ARHGDIG: variants seen among roughly 807,000 people sequenced by gnomAD.
The protein encoded by ARHGDIG is Rho GDP dissociation inhibitor gamma, also known as rho GDP-dissociation inhibitor 3.
A neutral mutation model predicts 20.2 loss-of-function variants in ARHGDIG; 14 were observed. The observed-to-expected ratio is 0.69, with a 90% CI of 0.46 to 1.08. The LOEUF is 1.08. ARHGDIG is among the 50% of genes least tolerant of loss of function. ARHGDIG has a pLI of 0.00. For missense variants in ARHGDIG, 311 were observed against 301.8 expected (o/e 1.03, Z -0.23); for synonymous variants, 193 against 138.6 (o/e 1.39, Z -2.76).
At chr16:282,567 G>GGGCCGGGGGGGGGGGGGGGC in intron 5 of ARHGDIG, 37 bp downstream of exon 5, 5 of 957,260 alleles carry the variant, frequency 5.2e-6, no homozygotes, top group South Asian at 1.4e-5. Flanking sequence ...GCGGGGGGGG[G>GGGCCGGGGGGGGGGGGGGGC]AAGCGGGGGC....
At chr16:282,442 G>A (rs766109887) in intron 4 of ARHGDIG, 25 bp from the exon 5 acceptor site, 1 of 1,611,992 alleles carries the variant, frequency 6.2e-7, no homozygotes, top group African/African-American at 1.3e-5. Flanking sequence ...GCCCCCAGAG[G>A]AACCCCTAAT....
chr16:282,160 G>A lies in ARHGDIG; in HGVS notation c.337+52G>A, dbSNP rs1555470239. 14 of 1,609,650 alleles carry A rather than the reference G, an allele frequency of 8.7e-6. No homozygotes were observed. The South Asian group carries it at 1.4e-4, about 16-fold the overall frequency. Reference sequence around the variant, plus strand: ...ACACAGGTAGGGCCCTCCCAGGCACGCTTCTGCACCCCTGAGTTCCGAGCC... The same window carrying A: ...ACACAGGTAGGGCCCTCCCAGGCACACTTCTGCACCCCTGAGTTCCGAGCC... On this transcript the variant is annotated intron_variant, in intron 3 of 5. Transcript: ENST00000219409.
intron 5 of ARHGDIG, 28 bp downstream of exon 5, chr16:282,558 C>CGGGGGGGGGGGAGAGGGGGG: frequency 7.6e-7 from 1 of 1,310,078 alleles, no homozygotes; most frequent in Admixed American, 2.5e-5. Flanking sequence ...GGGAACGGGG[C>CGGGGGGGGGGGAGAGGGGGG]GGGGGGGGGA....
In ARHGDIG at chr16:282,290, C is replaced by G. The variant is rs750187935; in HGVS notation, c.338-7C>G. On this transcript the variant is annotated splice_polypyrimidine_tract_variant and splice_region_variant and intron_variant, in intron 3 of 5. Coordinates refer to ENST00000219409, the MANE Select transcript of ARHGDIG (RefSeq NM_001176.4). The stretch of plus-strand genomic sequence containing the variant: ...AGTTCCGACCCTAGCTGAGGTTTCC[C>G]CAATAGGGGACCTGGCTGTTCTGAA... 52 of 1,613,130 alleles carry G rather than the reference C, an allele frequency of 3.2e-5. No individual in the cohort carries two copies. Among genetic ancestry groups the G allele is most frequent in the Non-Finnish European group, 4.2e-5 (49 of 1,179,956 alleles).
chr16:280,662 G>GC lies in ARHGDIG; in HGVS notation c.-16dup, dbSNP rs2052273875. 1.1e-6 allele frequency: 1 copy of GC among 878,300 alleles called. No homozygotes were observed. Among genetic ancestry groups the GC allele is most frequent in the Admixed American group, 4.6e-4 (1 of 2,160 alleles). 54.4% of individuals were successfully genotyped at this position (878,300 alleles called of 1,614,324 possible). A position where few individuals can be genotyped will look rare whatever the true frequency, so the allele number is the denominator to read the frequency against. ...GGCGGCTCCTCGGCGGCTCCGCGGC[G>GC]CCCGGGCCGCGCGCCGCCATGCTGG... On this transcript the variant is annotated 5_prime_UTR_variant, in exon 1 of 6. Transcript: ENST00000219409. This position sits in a 1 kb window ranked among gnomAD's most constrained non-coding sequence, Gnocchi z 6.6.
rs1438030442 is a variant in ARHGDIG, at chr16:280,731, C to G, written c.51C>G (p.Leu17=). The G allele has an allele frequency of 1.5e-6, 2 of 1,294,448 alleles. No homozygotes were observed. The highest frequency in any genetic ancestry group is 3.6e-5 in the Admixed American group (1 of 28,160). 80.2% of individuals were successfully genotyped at this position (1,294,448 alleles called of 1,614,324 possible). A position where few individuals can be genotyped will look rare whatever the true frequency, so the allele number is the denominator to read the frequency against. ...TGGGGGCGCAGCTGCTGGAGCTGCT[C>G]CGGCTGGCGCTGTGCGCCCGAGGTG... ...CELGAQLLEL[L]RLALCARVLL... is the part of the protein sequence containing the mutation. Residue 17 remains leucine (L), a synonymous_variant, in exon 1 of 6, where the codon CTC becomes CTG. Transcript: ENST00000219409. This position sits in a 1 kb window ranked among gnomAD's most constrained non-coding sequence, Gnocchi z 6.6.
chr16:282,014 T>A lies in ARHGDIG; in HGVS notation c.254-11T>A. ...TGGGGGGCATCCTGCAGACTTCCAGTTTCTCCTCAGACCCAAGCCTGCCCA... is the reference window on the plus strand; with the variant it reads ...TGGGGGGCATCCTGCAGACTTCCAGATTCTCCTCAGACCCAAGCCTGCCCA... On this transcript the variant is annotated splice_polypyrimidine_tract_variant and intron_variant, in intron 2 of 5. Transcript: ENST00000219409. 1 of 1,610,922 alleles carries A rather than the reference T, an allele frequency of 6.2e-7. No individual in the cohort carries two copies. The highest frequency in any genetic ancestry group is 8.5e-7 in the Non-Finnish European group (1 of 1,179,262).
At position 282,955 on chromosome 16, in the gene ARHGDIG, T is replaced by TG. The variant is rs34617604; in HGVS notation, c.*143dup. The TG allele has an allele frequency of 1, 1,013,007 of 1,013,068 alleles. 506,473 individuals carry two copies. The highest frequency in any genetic ancestry group is 1 in the Non-Finnish European group (711,950 of 711,982). 62.8% of individuals were successfully genotyped at this position (1,013,068 alleles called of 1,614,324 possible). A position where few individuals can be genotyped will look rare whatever the true frequency, so the allele number is the denominator to read the frequency against. ...GCCCCTGCTCTGTCCCGGGACCCCC[T>TG]GGCCTGGCGCTGTCCCCTGAGCTGT... On this transcript the variant is annotated 3_prime_UTR_variant, in exon 6 of 6. Coordinates refer to ENST00000219409, the MANE Select transcript of ARHGDIG (RefSeq NM_001176.4).
chr16:282,358 G>A lies in ARHGDIG; in HGVS notation c.399G>A (p.Val133=). 1.2e-6 allele frequency: 2 copies of A among 1,609,202 alleles called. No homozygotes were observed. Among genetic ancestry groups the A allele is most frequent in the Non-Finnish European group, 1.7e-6 (2 of 1,178,064 alleles). ...FVLKEGVDYR[V]KISFKVHREI... is the part of the protein sequence containing the mutation. ...TGAAGGAAGGTGTTGATTACAGAGT[G>A]AAGATCTCCTTCAAGGTGAGAGCCG... The change falls in exon 4 of 6, where the codon GTG becomes GTA. Residue 133 remains valine, a synonymous_variant. Coordinates refer to ENST00000219409, the MANE Select transcript of ARHGDIG (RefSeq NM_001176.4).
chr16:282,516 G>A lies in ARHGDIG; in HGVS notation c.464G>A (p.Arg155His), dbSNP rs963397973. ...SGLKCLHHTY[R>H]RGLRVDKTVY... ...CTCAAGTGTCTGCACCACACCTACC[G>A]CCGGGGCCTGCGCGGTGAGGGCAGC... The change falls in exon 5 of 6, where the codon CGC becomes CAC. Residue 155 changes from arginine (R) to histidine (H), a missense_variant. Coordinates refer to ENST00000219409, the MANE Select transcript of ARHGDIG (RefSeq NM_001176.4). 9.4e-6 allele frequency: 15 copies of A among 1,599,224 alleles called. No homozygotes were observed. Among genetic ancestry groups the A allele is most frequent in the East Asian group, 2.3e-5 (1 of 44,166 alleles).
chr16:281,065 G>C (rs968608150), intron 1 of ARHGDIG: 2 of 165,786 alleles, frequency 1.2e-5, no homozygotes, highest in African/African-American at 4.8e-5. Flanking sequence ...GGTGATCCCC[G>C]AGAAGACGGG....
In ARHGDIG at chr16:280,864, A is replaced by AC. The variant is rs112624365; in HGVS notation, c.73+117dup. 6.7e-6 allele frequency: 4 copies of AC among 599,002 alleles called. No individual in the cohort carries two copies. Among genetic ancestry groups the AC allele is most frequent in the Non-Finnish European group, 8.9e-6 (4 of 450,512 alleles). The allele number at this position is 599,002 out of a possible 1,614,324, so 37.1% of individuals were successfully genotyped here. ...CGCGCATGGGGACCTCGCGGCGCCG[A>AC]CCCCCCGGCTGGGGTCTGGCAGGGG... On this transcript the variant is annotated intron_variant, in intron 1 of 5. Transcript: ENST00000219409. The surrounding 1 kb of genome is among the most constrained non-coding windows in gnomAD (Gnocchi z 6.6).
At position 282,308 on chromosome 16, in the gene ARHGDIG, G is replaced by T; in HGVS notation, c.349G>T (p.Val117Phe). 1 of 1,613,138 alleles carries T rather than the reference G, an allele frequency of 6.2e-7. No homozygotes were observed. Among genetic ancestry groups the T allele is most frequent in the African/African-American group, 1.3e-5 (1 of 74,992 alleles). Residue 117 changes from valine (V) to phenylalanine (F), a missense_variant, in exon 4 of 6, where the codon GTT becomes TTT. Coordinates refer to ENST00000219409, the MANE Select transcript of ARHGDIG (RefSeq NM_001176.4). Reference protein sequence around the residue: ...VVMDLTGDLAVLKDQVFVLKE... With the variant: ...VVMDLTGDLAFLKDQVFVLKE... ...GGTTTCCCCAATAGGGGACCTGGCT[G>T]TTCTGAAGGACCAGGTGTTTGTCCT... is the stretch of plus-strand genomic sequence containing the variant.
At position 280,611 on chromosome 16, in the gene ARHGDIG, C is replaced by T; in HGVS notation, c.-70C>T. 2.6e-6 allele frequency: 2 copies of T among 770,596 alleles called. No homozygotes were observed. Among genetic ancestry groups the T allele is most frequent in the Non-Finnish European group, 3.1e-6 (2 of 637,084 alleles). The allele number at this position is 770,596 out of a possible 1,614,324, so 47.7% of individuals were successfully genotyped here. A position where few individuals can be genotyped will look rare whatever the true frequency, so the allele number is the denominator to read the frequency against. ...ACCGCAGTCGCGCCGGGGCTGAGCG[C>T]CGAGCGGGGCGGCGGCGGGGCGGGC... On this transcript the variant is annotated 5_prime_UTR_variant, in exon 1 of 6. Transcript: ENST00000219409. The surrounding 1 kb of genome is among the most constrained non-coding windows in gnomAD (Gnocchi z 6.6).
Position 280,788 on chromosome 16 carries a change from G to A in ARHGDIG, c.73+35G>A. On this transcript the variant is annotated intron_variant, in intron 1 of 5. Transcript: ENST00000219409. This position sits in a 1 kb window ranked among gnomAD's most constrained non-coding sequence, Gnocchi z 6.6. ...CCGGGCAGGGGCGGGGGGCTCGGCTGGTCTCAGCCCCGGGCGGGGAGTAGC... is the reference window on the plus strand; with the variant it reads ...CCGGGCAGGGGCGGGGGGCTCGGCTAGTCTCAGCCCCGGGCGGGGAGTAGC... 4 of 1,244,596 alleles carry A rather than the reference G, an allele frequency of 3.2e-6. No homozygotes were observed. Among genetic ancestry groups the A allele is most frequent in the South Asian group, 2.3e-5 (1 of 44,006 alleles). 77.1% of individuals were successfully genotyped at this position (1,244,596 alleles called of 1,614,324 possible).
In ARHGDIG at chr16:282,086, G is replaced by GC; in HGVS notation, c.318dup (p.Val107ArgfsTer24). 6.2e-7 allele frequency: 1 copy of GC among 1,612,900 alleles called. No individual in the cohort carries two copies. Among genetic ancestry groups the GC allele is most frequent in the Non-Finnish European group, 8.5e-7 (1 of 1,179,942 alleles). ...CACTCCTGTCGGAACAGGCTCCGGG[G>GC]CCCGTCGTCATGGATCTCACAGGTA... On this transcript the variant is annotated frameshift_variant, in exon 3 of 6. Coordinates refer to ENST00000219409, the MANE Select transcript of ARHGDIG (RefSeq NM_001176.4). LOFTEE classifies it high-confidence loss of function.
At position 282,862 on chromosome 16, in the gene ARHGDIG, C is replaced by A. The variant is rs1406141658; in HGVS notation, c.*48C>A. The A allele has an allele frequency of 6.6e-7, 1 of 1,509,318 alleles. No individual in the cohort carries two copies. Among genetic ancestry groups the A allele is most frequent in the African/African-American group, 1.4e-5 (1 of 72,744 alleles). 93.5% of individuals were successfully genotyped at this position (1,509,318 alleles called of 1,614,324 possible). The stretch of plus-strand genomic sequence containing the variant: ...ACCTCCCTCAGTTGTTGCACAGGGA[C>A]CCCCAAGCATCCCCAGCACCCCCCG... On this transcript the variant is annotated 3_prime_UTR_variant, in exon 6 of 6. Coordinates refer to ENST00000219409, the MANE Select transcript of ARHGDIG (RefSeq NM_001176.4).
chr16:282,969 C>T lies in ARHGDIG; in HGVS notation c.*155C>T, dbSNP rs1011164107. 1.1e-6 allele frequency: 1 copy of T among 949,050 alleles called. No homozygotes were observed. Among genetic ancestry groups the T allele is most frequent in the Non-Finnish European group, 1.5e-6 (1 of 658,158 alleles). The allele number at this position is 949,050 out of a possible 1,614,324, so 58.8% of individuals were successfully genotyped here. A position where few individuals can be genotyped will look rare whatever the true frequency, so the allele number is the denominator to read the frequency against. The stretch of plus-strand genomic sequence containing the variant: ...CCGGGACCCCCTGGCCTGGCGCTGT[C>T]CCCTGAGCTGTCCCATTAAACATGG... On this transcript the variant is annotated 3_prime_UTR_variant, in exon 6 of 6. Coordinates refer to ENST00000219409, the MANE Select transcript of ARHGDIG (RefSeq NM_001176.4).
In ARHGDIG at chr16:282,408, G is replaced by A. The variant is rs770098316; in HGVS notation, c.414+35G>A. On this transcript the variant is annotated intron_variant, in intron 4 of 5. Transcript: ENST00000219409. ...GGGGCAATGGGCGGAGGGGATGGGG[G>A]TGGGGGCAACAGCCAGAGGCCTGGC... 5.6e-6 allele frequency: 9 copies of A among 1,611,730 alleles called. No homozygotes were observed. In the South Asian group the frequency reaches 6.6e-5, roughly 12 times the overall value.
Sources: allele counts gnomAD v4.1 joint callset, GRCh38; gene constraint gnomAD v4.1.1; non-coding constraint Gnocchi (gnomAD v3.1); transcripts MANE v1.5; gene names NCBI Gene and HGNC (gene_info 2026-07-23, HGNC 2026-07-21).